Variants in APC observed in about 807,000 individuals in gnomAD.
The protein encoded by APC is APC regulator of Wnt signaling pathway, also known as adenomatous polyposis coli protein.
A neutral mutation model predicts 247.0 loss-of-function variants in APC; 72 were observed. The observed-to-expected ratio is 0.29, with a 90% CI of 0.24 to 0.35. The LOEUF (loss-of-function observed/expected upper bound fraction) is 0.35. Ranked by LOEUF, APC falls within the 10% of genes least tolerant of loss-of-function variation. APC has a pLI of 1.00. For missense variants in APC, 3,400 were observed against 3,360.7 expected (o/e 1.01, Z -0.29); for synonymous variants, 1,254 against 1,162.5 (o/e 1.08, Z -1.60).
rs529108855 is a variant in APC at position 112,827,019 on chromosome 5, T to G, written c.1409-89T>G. 12 of 1,329,676 alleles carry G rather than the reference T, an allele frequency of 9.0e-6. No homozygotes were observed. The Admixed American group carries it at 1.7e-4, about 19-fold the overall frequency. 82.4% of individuals were successfully genotyped at this position (1,329,676 alleles called of 1,614,324 possible). On this transcript the variant is annotated intron_variant, in intron 11 of 15. Transcript: ENST00000257430. ...ACCATATATTCTCATTGATTGAGTT[T>G]TTTTTTCCTAGTATTTAAGTTACCA...
chr5:112,762,846 C>G (rs1561456423), intron 2 of APC, among the ~76,000 whole-genome samples: 2 of 152,130 alleles, frequency 1.3e-5, no homozygotes, highest in Non-Finnish European at 2.9e-5. Flanking sequence ...AAAAAAATTA[C>G]TTGAGGTCAG....
rs1271500919 is a variant in APC, at chr5:112,801,267, C to T, written c.730-12C>T. On this transcript the variant is annotated splice_polypyrimidine_tract_variant and intron_variant, in intron 7 of 15. Transcript: ENST00000257430. ...ATTTTTGCATGTACTGATGTTAACT[C>T]CATCTTAACAGAGGTCATCTCAGAA... is the stretch of plus-strand genomic sequence containing the variant. 1 of 1,608,988 alleles carries T rather than the reference C, an allele frequency of 6.2e-7. No homozygotes were observed. The highest frequency in any genetic ancestry group is 1.1e-5 in the South Asian group (1 of 90,796).
intron 1 of APC, among the ~76,000 whole-genome samples, chr5:112,711,872 A>G (rs1366815943): frequency 6.6e-6 from 1 of 152,030 alleles, no homozygotes; most frequent in Non-Finnish European, 1.5e-5. Flanking sequence ...TTTGGGCTTT[A>G]GACTTCCCTT....
intron 1 of APC, among the ~76,000 whole-genome samples, chr5:112,739,119 A>G (rs879611319): frequency 2.0e-5 from 3 of 152,220 alleles, no homozygotes; most frequent in African/African-American, 2.4e-5. Context: ...AATATTTAAG[A>G]TATTAATTCA....
In APC at chr5:112,843,729, C is replaced by T. The variant is rs1269106823; in HGVS notation, c.8135C>T (p.Pro2712Leu). Reference sequence around the variant, plus strand: ...CAAAATGTGGGTAATGGCAGTGTTCCCATGCGTACCGTGGGTTTGGAAAAT... The same window carrying T: ...CAAAATGTGGGTAATGGCAGTGTTCTCATGCGTACCGTGGGTTTGGAAAAT... Reference protein sequence around the residue: ...AKQNVGNGSVPMRTVGLENRL... With the variant: ...AKQNVGNGSVLMRTVGLENRL... Residue 2712 changes from proline to leucine, a missense_variant, in exon 16 of 16, where the codon CCC (proline) becomes CTC (leucine). By Grantham distance (98) the Pro-to-Leu change is moderately conservative. Around this residue, in one of 9 missense-constraint regions of APC, gnomAD observed 1,788 missense variants for 1,649.5 expected, o/e 1.08. Transcript: ENST00000257430. The surrounding 1 kb of genome is among the most constrained non-coding windows in gnomAD (Gnocchi z 4.8). 1.2e-6 allele frequency: 2 copies of T among 1,614,016 alleles called. No individual in the cohort carries two copies. The highest frequency in any genetic ancestry group is 1.7e-5 in the Admixed American group (1 of 60,018).
chr5:112,839,707 T>G lies in APC; in HGVS notation c.4113T>G (p.Ser1371Arg). 1 of 1,614,034 alleles carries G rather than the reference T, an allele frequency of 6.2e-7. No homozygotes were observed. Among genetic ancestry groups the G allele is most frequent in the Non-Finnish European group, 8.5e-7 (1 of 1,179,986 alleles). The change falls in exon 16 of 16, where the codon AGT (serine) becomes AGG (arginine). Residue 1371 changes from serine to arginine, a missense_variant. Ser to Arg is a moderately radical substitution (Grantham distance 110, BLOSUM62 -1). This residue lies in a region of APC where 715 missense variants were observed against 656.6 expected (regional missense o/e 1.09). Coordinates refer to ENST00000257430, the MANE Select transcript of APC (RefSeq NM_000038.6). The surrounding 1 kb of genome is among the most constrained non-coding windows in gnomAD (Gnocchi z 5.0). ...PSKSGAQTPK[S>R]PPEHYVQETP... ...AAAGTGGTGCTCAGACACCCAAAAG[T>G]CCACCTGAACACTATGTTCAGGAGA...
rs780965549 is a variant in APC, at chr5:112,777,718, T to C, written c.531+1981T>C. The C allele has an allele frequency of 3.1e-4, 71 of 232,328 alleles. 1 individual carries two copies. The highest frequency in any genetic ancestry group is 4.8e-4 in the Non-Finnish European group (50 of 103,896). 14.4% of individuals were successfully genotyped at this position (232,328 alleles called of 1,614,324 possible). Reference sequence around the variant, plus strand: ...GCAATTACATTTTGAGGACCCTTCATATTTGCCTCTTTTGCCAGCAGCAAC... The same window carrying C: ...GCAATTACATTTTGAGGACCCTTCACATTTGCCTCTTTTGCCAGCAGCAAC... On this transcript the variant is annotated intron_variant, in intron 5 of 15. Transcript: ENST00000257430.
chr5:112,825,264 C>A (rs1171724523), intron 11 of APC, among the ~76,000 whole-genome samples: 2 of 152,230 alleles, frequency 1.3e-5, no homozygotes, highest in Non-Finnish European at 2.9e-5. Flanking sequence ...ACCATCGTCT[C>A]TCCTGTTCTA....
At chr5:112,808,850 A>G (rs1279288878) in intron 8 of APC, among the ~76,000 whole-genome samples, 1 of 152,212 alleles carries the variant, frequency 6.6e-6, no homozygotes, top group East Asian at 1.9e-4. Context: ...CAAGAAGTAG[A>G]ATCAGTCAAG....
chr5:112,743,889 T>G (rs751662536), intron 1 of APC, among the ~76,000 whole-genome samples: 1 of 152,150 alleles, frequency 6.6e-6, no homozygotes, highest in Non-Finnish European at 1.5e-5. Context: ...TTTTTTTGTT[T>G]GTTGGTTTTT....
At chr5:112,812,757 A>T (rs542292457) in intron 8 of APC, among the ~76,000 whole-genome samples, 23 of 152,314 alleles carry the variant, frequency 1.5e-4, no homozygotes, top group African/African-American at 5.3e-4. Context: ...AGTGTGGGTG[A>T]GAATGTCTTA....
chr5:112,803,503 G>A (rs1399902375), intron 8 of APC, among the ~76,000 whole-genome samples: 2 of 152,282 alleles, frequency 1.3e-5, no homozygotes, highest in Admixed American at 6.5e-5. Flanking sequence ...CTGAGCTTTA[G>A]TGTTTCCTCT....
At chr5:112,737,981 T>G (rs1359566289) in intron 1 of APC, 56 bp downstream of exon 1, 12 of 952,376 alleles carry the variant, frequency 1.3e-5, no homozygotes, top group Non-Finnish European at 1.5e-5. Context: ...GGGAAGGTGG[T>G]TTTCCCTCGC....
At chr5:112,758,870 TG>T (rs1428776632) in intron 2 of APC, among the ~76,000 whole-genome samples, 1 of 152,214 alleles carries the variant, frequency 6.6e-6, no homozygotes, top group Admixed American at 6.5e-5. Context: ...CTCAAAGTAC[TG>T]GAATTACAGG....
chr5:112,733,889 T>C (rs963216136), upstream of APC, among the ~76,000 whole-genome samples: 3 of 152,200 alleles, frequency 2.0e-5, no homozygotes, highest in African/African-American at 7.2e-5. Flanking sequence ...TGTGAAGAAC[T>C]ATTTTGGTGT....
In APC at chr5:112,819,007, T is replaced by C. The variant is rs1196721514; in HGVS notation, c.975T>C (p.His325=). ...VYSLLSMLGT[H]DKDDMSRTLL... is the part of the protein sequence containing the mutation. ...CATTGTTGTCAATGCTTGGTACTCA[T>C]GATAAGGATGATATGTCGCGAACTT... The change falls in exon 10 of 16, where the codon CAT becomes CAC. Residue 325 remains histidine, a synonymous_variant. Transcript: ENST00000257430. The C allele has an allele frequency of 1.9e-6, 3 of 1,614,148 alleles. No homozygotes were observed. Among genetic ancestry groups the C allele is most frequent in the South Asian group, 1.1e-5 (1 of 91,082 alleles).
chr5:112,819,827 A>G (rs1762932962), intron 10 of APC, among the ~76,000 whole-genome samples: 1 of 152,186 alleles, frequency 6.6e-6, no homozygotes, highest in Non-Finnish European at 1.5e-5. Flanking sequence ...AAGGGAAGGT[A>G]TTATCATCTC....
chr5:112,828,765 T>C lies in APC; in HGVS notation c.1627-91T>C. On this transcript the variant is annotated intron_variant, in intron 13 of 15. Transcript: ENST00000257430. ...CGGCTAGCCAGAATTTCTTTCTTAA[T>C]AGATTTCTATTCTTACTGCTAGCAT... The C allele has an allele frequency of 4.4e-6, 4 of 904,150 alleles. No homozygotes were observed. In the African/African-American group the frequency reaches 5.0e-5, roughly 11 times the overall value. The allele number at this position is 904,150 out of a possible 1,614,324, so 56.0% of individuals were successfully genotyped here.
chr5:112,724,672 C>T (rs571210500), intron 1 of APC, among the ~76,000 whole-genome samples: 1 of 152,188 alleles, frequency 6.6e-6, no homozygotes, highest in African/African-American at 2.4e-5. Context: ...GAGAGGTCAT[C>T]TAAATTGGGT....
Sources: gnomAD v4.1 joint callset for allele counts (sites outside exome capture counted in the v4.1 genomes callset) on GRCh38, gnomAD v4.1.1 for gene constraint, gnomAD v4.1.1 regional missense constraint, Gnocchi (gnomAD v3.1) non-coding constraint, MANE v1.5 for transcripts, NCBI Gene and HGNC (gene_info 2026-07-23, HGNC 2026-07-21) for gene names.